PDE10A: variants seen among roughly 807,000 people sequenced by gnomAD.
The protein encoded by PDE10A is phosphodiesterase 10A.
PDE10A carries 39 observed loss-of-function variants against 97.7 expected under a neutral mutation model. The ratio of observed to expected loss-of-function variants is 0.40; its 90% CI spans 0.31 to 0.52. PDE10A has a LOEUF of 0.52. Ranked by LOEUF, PDE10A falls within the 20% of genes least tolerant of loss-of-function variation. PDE10A has a pLI of 0.56. For synonymous variants in PDE10A, 371 were observed against 376.8 expected (o/e 0.98, Z 0.18); for missense variants, 731 against 1,047.8 (o/e 0.70, Z 4.17).
chr6:165,463,830 C>T lies in PDE10A; in HGVS notation c.1024-13468G>A, dbSNP rs550802580. On this transcript the variant is annotated intron_variant, in intron 3 of 21. Transcript: ENST00000539869. ...CAAGGAATACCTGGCCCGCCCAGGG[C>T]GGAAAACCACTTAAAGGCATTCTTA... Among the ~76,000 whole-genome samples, 63 of 152,338 alleles carry T rather than the reference C, an allele frequency of 4.1e-4. No individual in the cohort carries two copies. The East Asian group carries it at 6.2e-3, about 15-fold the overall frequency.
intron 1 of PDE10A, among the ~76,000 whole-genome samples, chr6:165,914,761 A>G (rs2128487058): frequency 6.6e-6 from 1 of 152,296 alleles, no homozygotes; most frequent in Admixed American, 6.5e-5. Flanking sequence ...CATCTCATAA[A>G]TGGTGTCACA....
At chr6:165,705,450 G>A (rs1381783510) in intron 1 of PDE10A, among the ~76,000 whole-genome samples, 6 of 152,226 alleles carry the variant, frequency 3.9e-5, no homozygotes, top group Admixed American at 6.5e-5. Flanking sequence ...TAAAGCTAAC[G>A]TTAGTGGTTT....
intron 1 of PDE10A, chr6:165,781,211 C>T (rs1000629981): frequency 7.9e-5 from 12 of 152,330 alleles, no homozygotes; most frequent in Non-Finnish European, 1.3e-4. Context: ...CCACAAAAGC[C>T]CTTGCCTTGC....
chr6:165,943,883 A>G (rs568127572), intron 1 of PDE10A, among the ~76,000 whole-genome samples: 1 of 152,342 alleles, frequency 6.6e-6, no homozygotes, highest in East Asian at 1.9e-4. Context: ...TCAAAACAAC[A>G]TGAGCTACAG....
intron 16 of PDE10A, among the ~76,000 whole-genome samples, 170 bp downstream of exon 16, chr6:165,392,476 T>C (rs1001522883): frequency 2.6e-5 from 4 of 152,208 alleles, no homozygotes; most frequent in African/African-American, 9.6e-5. Context: ...TACAAAATAA[T>C]ATGCTAAATG....
chr6:165,907,713 G>C (rs1782334426), intron 1 of PDE10A, among the ~76,000 whole-genome samples: 1 of 152,234 alleles, frequency 6.6e-6, no homozygotes, highest in Admixed American at 6.5e-5. Context: ...CCTCAGACCA[G>C]TGATGGGCCT....
intron 1 of PDE10A, chr6:165,948,907 A>T (rs1190988813): frequency 6.6e-6 from 1 of 152,314 alleles, no homozygotes; most frequent in African/African-American, 2.4e-5. Flanking sequence ...GGTCAGGTAC[A>T]TGCAACAAAA....
chr6:165,578,405 A>G (rs1785432094), intron 1 of PDE10A, among the ~76,000 whole-genome samples: 1 of 152,164 alleles, frequency 6.6e-6, no homozygotes, highest in Non-Finnish European at 1.5e-5. Flanking sequence ...CTACAATGCA[A>G]TGAAACAACA....
intron 1 of PDE10A, among the ~76,000 whole-genome samples, chr6:165,932,912 A>T (rs1359964995): frequency 6.6e-6 from 1 of 152,158 alleles, no homozygotes; most frequent in Non-Finnish European, 1.5e-5. Flanking sequence ...CTCCAAGGAG[A>T]CCAGGCAGAG....
intron 1 of PDE10A, among the ~76,000 whole-genome samples, chr6:165,659,043 C>T (rs1004870372): frequency 1.3e-5 from 2 of 152,136 alleles, no homozygotes; most frequent in Admixed American, 6.5e-5. Context: ...TGGGTCCTGG[C>T]GGTAGCTCTT....
chr6:165,564,872 G>A (rs1784698245), intron 1 of PDE10A, among the ~76,000 whole-genome samples: 2 of 152,108 alleles, frequency 1.3e-5, no homozygotes, highest in Non-Finnish European at 2.9e-5. Flanking sequence ...CTAAAGAAGT[G>A]GAGCAAGAGA....
intron 1 of PDE10A, among the ~76,000 whole-genome samples, chr6:165,723,450 G>A (rs536103983): frequency 5.3e-5 from 8 of 152,250 alleles, no homozygotes; most frequent in African/African-American, 1.9e-4. Flanking sequence ...CGGTTTCCTT[G>A]TCCTTGTTCA....
chr6:165,382,118 T>C (rs886783950), intron 17 of PDE10A, among the ~76,000 whole-genome samples: 1 of 152,152 alleles, frequency 6.6e-6, no homozygotes, highest in African/African-American at 2.4e-5. Flanking sequence ...TTCTTAACTC[T>C]ATGGAAGCAC....
At chr6:165,957,421 C>G (rs949118065) in intron 1 of PDE10A, among the ~76,000 whole-genome samples, 2 of 152,020 alleles carry the variant, frequency 1.3e-5, no homozygotes, top group African/African-American at 4.8e-5. Flanking sequence ...TTCAAGGTGA[C>G]AGTAAGCTGT....
chr6:165,859,590 C>A (rs1780843545), intron 1 of PDE10A, among the ~76,000 whole-genome samples: 1 of 152,234 alleles, frequency 6.6e-6, no homozygotes, highest in Admixed American at 6.5e-5. Flanking sequence ...GGGCACGCCA[C>A]CCACCAGGAG....
intron 1 of PDE10A, among the ~76,000 whole-genome samples, chr6:165,585,972 T>C (rs900021691): frequency 6.6e-6 from 1 of 152,070 alleles, no homozygotes; most frequent in African/African-American, 2.4e-5. Flanking sequence ...CAAGCAGCTA[T>C]CAACTAACCA....
At chr6:165,411,617 T>C (rs1417704468) in intron 13 of PDE10A, among the ~76,000 whole-genome samples, 1 of 152,242 alleles carries the variant, frequency 6.6e-6, no homozygotes, top group Non-Finnish European at 1.5e-5. Flanking sequence ...AGCAAGCTAA[T>C]ACAGTACCAA....
At chr6:165,516,205 C>A (rs1781796877) in intron 2 of PDE10A, among the ~76,000 whole-genome samples, 1 of 152,142 alleles carries the variant, frequency 6.6e-6, no homozygotes, top group African/African-American at 2.4e-5. Context: ...TCTCCGTCTT[C>A]CATCTACAAT....
chr6:165,639,767 G>C (rs949191050), intron 1 of PDE10A, among the ~76,000 whole-genome samples: 3 of 143,146 alleles, frequency 2.1e-5, no homozygotes, highest in African/African-American at 7.6e-5. Flanking sequence ...AAGAGAGAGA[G>C]ACATAAAAAT....
Sources: allele counts gnomAD v4.1 joint callset (sites outside exome capture counted in the v4.1 genomes callset), GRCh38; gene constraint gnomAD v4.1.1; transcripts MANE v1.5; gene names NCBI Gene and HGNC (gene_info 2026-07-23, HGNC 2026-07-21).